Variants in DNAH8 observed in about 807,000 individuals in gnomAD.
DNAH8 encodes dynein axonemal heavy chain 8.
In DNAH8, 382 loss-of-function variants were observed where a neutral mutation model predicts 562.1. That is an observed-to-expected ratio of 0.68 (90% confidence interval 0.63 to 0.74). The LOEUF is 0.74. DNAH8 is among the 30% of genes least tolerant of loss of function. The probability of loss-of-function intolerance (pLI) is 0.00; values close to 1 mark genes in which losing one functional copy is unlikely to be tolerated. For synonymous variants in DNAH8, 1,881 were observed against 1,919.4 expected (o/e 0.98, Z 0.52); for missense variants, 5,203 against 5,620.4 (o/e 0.93, Z 2.37).
chr6:38,875,620 CT>C lies in DNAH8; in HGVS notation c.7651del (p.Ser2551ProfsTer21), dbSNP rs1347749699. ...SLNLLEGLIP[S>X]KEEGGVSCVE... ...TCAATCTTCTGGAAGGGTTAATTCC[CT>C]CCAAAGAAGAAGGCGGTGTTTCCTG... On this transcript the variant is annotated frameshift_variant, in exon 53 of 93. Transcript: ENST00000327475. LOFTEE classifies it high-confidence loss of function. 2 of 1,611,668 alleles carry C rather than the reference CT, an allele frequency of 1.2e-6. No homozygotes were observed. The highest frequency in any genetic ancestry group is 2.7e-5 in the African/African-American group (2 of 74,740).
At chr6:38,715,929 T>TAAATAAATAAATAA (rs1562520234) in intron 1 of DNAH8, among the ~76,000 whole-genome samples, 4 of 28,418 alleles carry the variant, frequency 1.4e-4, no homozygotes, top group African/African-American at 6.7e-4. Context: ...TAAATAAATA[T>TAAATAAATAAATAA]ATATATATAT....
intron 82 of DNAH8, among the ~76,000 whole-genome samples, chr6:38,966,449 A>G (rs1165949378): frequency 1.3e-5 from 2 of 152,236 alleles, no homozygotes; most frequent in East Asian, 1.9e-4. Flanking sequence ...TTTCTAAAAA[A>G]TAAAAGAGGA....
chr6:38,724,433 G>A (rs1042020060), intron 3 of DNAH8, among the ~76,000 whole-genome samples: 1 of 152,168 alleles, frequency 6.6e-6, no homozygotes, highest in Admixed American at 6.5e-5. Context: ...TACAAGTACA[G>A]GTTATATGAA....
intron 32 of DNAH8, among the ~76,000 whole-genome samples, chr6:38,835,819 G>A (rs1774238814): frequency 6.6e-6 from 1 of 152,206 alleles, no homozygotes; most frequent in African/African-American, 2.4e-5. Context: ...CTATCTTGAG[G>A]GTTGGAGGGT....
Position 38,862,163 on chromosome 6 carries a change from G to A in DNAH8, c.6132-117G>A, listed in dbSNP as rs1045774315. The A allele has an allele frequency of 6.1e-6, 5 of 814,668 alleles. No homozygotes were observed. In the African/African-American group the frequency reaches 6.9e-5, roughly 11 times the overall value. The allele number at this position is 814,668 out of a possible 1,614,324, so 50.5% of individuals were successfully genotyped here. A position where few individuals can be genotyped will look rare whatever the true frequency, so the allele number is the denominator to read the frequency against. On this transcript the variant is annotated intron_variant, in intron 43 of 92. Coordinates refer to ENST00000327475, the MANE Select transcript of DNAH8 (RefSeq NM_001206927.2). ...CCTTGTTTGTTCACTTCTTTTATGT[G>A]GGCTACTCAGACTCTAAAATAAATA...
At chr6:38,752,339 T>C (rs1349755529) in intron 9 of DNAH8, among the ~76,000 whole-genome samples, 2 of 152,222 alleles carry the variant, frequency 1.3e-5, no homozygotes, top group African/African-American at 2.4e-5. Context: ...AATTTTTGTA[T>C]TTTTAGTAGA....
chr6:38,821,527 A>T (rs900058529), intron 26 of DNAH8, among the ~76,000 whole-genome samples: 14 of 152,298 alleles, frequency 9.2e-5, no homozygotes, highest in African/African-American at 3.4e-4. Context: ...GGCCAAAAAA[A>T]TTTTGAAAAA....
Position 38,853,467 on chromosome 6 carries a change from G to A in DNAH8, c.5733+120G>A, listed in dbSNP as rs938740395. On this transcript the variant is annotated intron_variant, in intron 41 of 92. Transcript: ENST00000327475. ...TGTAGCTTTGAATTAGGTTAGAGTG[G>A]CCTACTCACACTCATTTTAGCCTCA... The A allele has an allele frequency of 1.6e-5, 17 of 1,093,218 alleles. No individual in the cohort carries two copies. In the Admixed American group the frequency reaches 3.1e-4, roughly 20 times the overall value. 67.7% of individuals were successfully genotyped at this position (1,093,218 alleles called of 1,614,324 possible). A position where few individuals can be genotyped will look rare whatever the true frequency, so the allele number is the denominator to read the frequency against.
At chr6:38,890,097 T>G (rs909862026) in intron 57 of DNAH8, among the ~76,000 whole-genome samples, 1 of 152,278 alleles carries the variant, frequency 6.6e-6, no homozygotes, top group African/African-American at 2.4e-5. Flanking sequence ...CCTAGGAATG[T>G]TGCATGTCTA....
In DNAH8 at chr6:39,000,915, T is replaced by C. The variant is rs181036466; in HGVS notation, c.13215-7899T>C. 2.2e-3 allele frequency among the ~76,000 whole-genome samples: 330 copies of C among 152,172 alleles called. 4 individuals carry two copies. The highest frequency in any genetic ancestry group is 7.1e-3 in the African/African-American group (296 of 41,510). On this transcript the variant is annotated intron_variant, in intron 88 of 92. Coordinates refer to ENST00000327475, the MANE Select transcript of DNAH8 (RefSeq NM_001206927.2). ...GATTGGAGATGAGGTGGGAAGGAAG[T>C]GACTGCAGGACTGGGGTCAAGGACA...
At chr6:38,823,090 G>T in intron 27 of DNAH8, 56 bp downstream of exon 27, 4 of 1,441,116 alleles carry the variant, frequency 2.8e-6, no homozygotes, top group Non-Finnish European at 3.7e-6. Flanking sequence ...TAATTCTTGA[G>T]GGTGGACCAG....
intron 53 of DNAH8, among the ~76,000 whole-genome samples, chr6:38,877,870 A>G (rs562058129): frequency 6.6e-6 from 1 of 152,364 alleles, no homozygotes; most frequent in East Asian, 1.9e-4. Context: ...GAGATTGGAC[A>G]ATAGGCACTA....
Position 38,973,720 on chromosome 6 carries a change from A to G in DNAH8, c.12585A>G (p.Leu4195=), listed in dbSNP as rs772395196. ...HLGLEFMEEL[L]ETLITTEASD... ...GCCTGGAATTCATGGAAGAATTACT[A>G]GAGACGCTAATTACCACTGAAGCCA... The change falls in exon 84 of 93, where the codon CTA becomes CTG. Residue 4195 remains leucine (L), a synonymous_variant. Transcript: ENST00000327475. 6.2e-6 allele frequency: 10 copies of G among 1,610,034 alleles called. No homozygotes were observed. The highest frequency in any genetic ancestry group is 8.5e-6 in the Non-Finnish European group (10 of 1,178,440).
chr6:38,861,951 T>TTTTTTTG (rs1045502440), intron 43 of DNAH8, among the ~76,000 whole-genome samples: 10 of 149,614 alleles, frequency 6.7e-5, no homozygotes, highest in Non-Finnish European at 1.3e-4. Context: ...AAAACCAGGT[T>TTTTTTTG]TTTTTTTTTT....
chr6:38,745,340 G>A (rs1764839556), intron 8 of DNAH8, among the ~76,000 whole-genome samples: 1 of 152,172 alleles, frequency 6.6e-6, no homozygotes, highest in Non-Finnish European at 1.5e-5. Context: ...AAAGGCTAAT[G>A]CATTAACTTC....
intron 76 of DNAH8, among the ~76,000 whole-genome samples, chr6:38,932,563 T>C (rs1782636911): frequency 6.6e-6 from 1 of 152,194 alleles, no homozygotes; most frequent in Non-Finnish European, 1.5e-5. Flanking sequence ...TCAGAAAACA[T>C]TGTTTTATGC....
intron 85 of DNAH8, among the ~76,000 whole-genome samples, chr6:38,980,021 A>G (rs983429687): frequency 6.6e-6 from 1 of 152,162 alleles, no homozygotes; most frequent in Non-Finnish European, 1.5e-5. Flanking sequence ...TTTTCATGTT[A>G]ATATCCCATA....
intron 36 of DNAH8, 39 bp from the exon 37 acceptor site, chr6:38,848,609 C>T (rs1775488848): frequency 1.3e-6 from 2 of 1,534,518 alleles, no homozygotes; most frequent in Non-Finnish European, 1.8e-6. Flanking sequence ...TTTTCTGAAT[C>T]TTCTTTGAAA....
intron 60 of DNAH8, 36 bp downstream of exon 60, chr6:38,896,261 T>C (rs1490641074): frequency 2.0e-6 from 3 of 1,533,282 alleles, no homozygotes; most frequent in African/African-American, 1.4e-5. Context: ...GGTTTTCAGA[T>C]TGCTCACCTG....
Sources: gnomAD v4.1 joint callset for allele counts (sites outside exome capture counted in the v4.1 genomes callset) on GRCh38, gnomAD v4.1.1 for gene constraint, MANE v1.5 for transcripts, NCBI Gene and HGNC (gene_info 2026-07-23, HGNC 2026-07-21) for gene names.